The following NAPRT variants were observed in gnomAD, a reference collection of about 807,000 sequenced individuals.
NAPRT encodes the protein FHA-HIT-interacting protein.
In NAPRT, 66 loss-of-function variants were observed where a neutral mutation model predicts 60.7. The ratio of observed to expected loss-of-function variants is 1.09; its 90% CI spans 0.89 to 1.33. NAPRT has a LOEUF of 1.33. Ranked by LOEUF, NAPRT falls within the 40% of genes most tolerant of loss-of-function variation. The pLI is 0.00. For missense variants in NAPRT, 818 were observed against 731.5 expected (o/e 1.12, Z -1.36); for synonymous variants, 405 against 335.7 (o/e 1.21, Z -2.26).
intron 1 of NAPRT, 64 bp downstream of exon 1, chr8:143,578,029 C>A: frequency 6.6e-7 from 1 of 1,525,838 alleles, no homozygotes; most frequent in South Asian, 1.2e-5. Context: ...ACAAGGACTT[C>A]CACCGGCCAT....
At chr8:143,573,227 C>T (rs1360013116), downstream of NAPRT, among the ~76,000 whole-genome samples, 1 of 152,204 alleles carries the variant, frequency 6.6e-6, no homozygotes, top group Non-Finnish European at 1.5e-5. Context: ...TGCACGCTGG[C>T]TCTGTCAGAC....
chr8:143,577,515 T>C (rs1824561611), intron 3 of NAPRT, 116 bp from the exon 4 acceptor site: 1 of 1,451,176 alleles, frequency 6.9e-7, no homozygotes, highest in African/African-American at 1.4e-5. Context: ...ACCCAGCCCC[T>C]CCTTACACCC....
chr8:143,577,288 G>A lies in NAPRT; in HGVS notation c.549C>T (p.Ser183=), dbSNP rs2130697253. 6.2e-7 allele frequency: 1 copy of A among 1,609,184 alleles called. No homozygotes were observed. Residue 183 remains serine, a synonymous_variant, in exon 4 of 13, where the codon TCC becomes TCT. Coordinates refer to ENST00000449291, the MANE Select transcript of NAPRT (RefSeq NM_145201.6). ...ACTCACCGCCCAGGTAGCTGTAGGT[G>A]GAGGCTGTCAGGCCCCCATCGGGGC... The part of the protein sequence containing the change: ...AQGPDGGLTA[S]TYSYLGGFDS...
intron 5 of NAPRT, 49 bp downstream of exon 5, chr8:143,577,013 G>C: frequency 6.3e-7 from 1 of 1,583,224 alleles, no homozygotes; most frequent in Non-Finnish European, 8.7e-7. Flanking sequence ...GCAAGGGCTG[G>C]CTTGGGGCCT....
chr8:143,578,046 G>T, intron 1 of NAPRT, 47 bp downstream of exon 1: 1 of 1,502,312 alleles, frequency 6.7e-7, no homozygotes, highest in Non-Finnish European at 8.9e-7. Context: ...CCATAGGTGG[G>T]GGTTTCTGCC....
At position 143,577,954 on chromosome 8, in the gene NAPRT, G is replaced by A; in HGVS notation, c.227-11C>T. 1.2e-6 allele frequency: 2 copies of A among 1,606,500 alleles called. No individual in the cohort carries two copies. The highest frequency in any genetic ancestry group is 1.7e-6 in the Non-Finnish European group (2 of 1,175,914). Reference sequence around the variant, plus strand: ...CCAGGAACTGCACGTCTGGAAACGAGGTAACTGCGCTGAGACCAGCGCGGG... The same window carrying A: ...CCAGGAACTGCACGTCTGGAAACGAAGTAACTGCGCTGAGACCAGCGCGGG... On this transcript the variant is annotated splice_polypyrimidine_tract_variant and intron_variant, in intron 1 of 12. Coordinates refer to ENST00000449291, the MANE Select transcript of NAPRT (RefSeq NM_145201.6).
rs747098598 is a variant in NAPRT, at chr8:143,577,436, G to C, written c.438-37C>G. ...CAAGAGTCAGGGGGTCCCAGGGTGA[G>C]GATCACTAGGCCACCCAAGACGGCG... On this transcript the variant is annotated intron_variant, in intron 3 of 12. Coordinates refer to ENST00000449291, the MANE Select transcript of NAPRT (RefSeq NM_145201.6). 8.2e-6 allele frequency: 13 copies of C among 1,585,706 alleles called. No homozygotes were observed. In the Middle Eastern group the frequency reaches 6.4e-4, roughly 78 times the overall value.
Position 143,577,166 on chromosome 8 carries a change from T to C in NAPRT, c.580A>G (p.Ser194Gly). 6.2e-7 allele frequency: 1 copy of C among 1,612,188 alleles called. No homozygotes were observed. The highest frequency in any genetic ancestry group is 2.2e-5 in the East Asian group (1 of 44,854). The change falls in exon 5 of 13, where the codon AGC becomes GGC. Residue 194 changes from serine (S) to glycine (G), a missense_variant. Physicochemically the swap from Ser to Gly is moderately conservative, Grantham distance 56. Transcript: ENST00000449291. ...AGCTGGCCCGCTAGCACGTTGCTGCTGCTGTCGAAGCCTGGGGAGGAAGGC... is the reference window on the plus strand; with the variant it reads ...AGCTGGCCCGCTAGCACGTTGCTGCCGCTGTCGAAGCCTGGGGAGGAAGGC... ...TYSYLGGFDS[S>G]SNVLAGQLRG...
chr8:143,575,597 C>T (rs764774540), intron 9 of NAPRT, 25 bp downstream of exon 9: 3 of 1,585,714 alleles, frequency 1.9e-6, no homozygotes, highest in Non-Finnish European at 2.6e-6. Flanking sequence ...CCTGCCCCCA[C>T]CTGGGCCCCC....
rs1386823140 is a variant in NAPRT, at chr8:143,578,086, G to A, written c.226+7C>T. 2 of 1,518,766 alleles carry A rather than the reference G, an allele frequency of 1.3e-6. No individual in the cohort carries two copies. The highest frequency in any genetic ancestry group is 1.8e-6 in the Non-Finnish European group (2 of 1,140,786). 94.1% of individuals were successfully genotyped at this position (1,518,766 alleles called of 1,614,324 possible). A position where few individuals can be genotyped will look rare whatever the true frequency, so the allele number is the denominator to read the frequency against. ...GTGGGGGGCTCGTCGCGCGGACGGG[G>A]GACTACCGGCGTCCCGCAGGCGGAA... is the stretch of plus-strand genomic sequence containing the variant. On this transcript the variant is annotated splice_region_variant and intron_variant, in intron 1 of 12. Transcript: ENST00000449291.
Position 143,578,267 on chromosome 8 carries a change from T to C in NAPRT, c.52A>G (p.Thr18Ala), listed in dbSNP as rs1229112988. The change falls in exon 1 of 13, where the codon ACT becomes GCT. Residue 18 changes from threonine to alanine, a missense_variant. Transcript: ENST00000449291. Reference sequence around the variant, plus strand: ...GCCATGGTGGCCTGGTAGAGGTCAGTGAGCAGCGGCCGCGCCGCCGCGCGC... The same window carrying C: ...GCCATGGTGGCCTGGTAGAGGTCAGCGAGCAGCGGCCGCGCCGCCGCGCGC... ...EARAAARPLL[T>A]DLYQATMALG... The C allele has an allele frequency of 7.0e-7, 1 of 1,430,984 alleles. No homozygotes were observed. The allele number at this position is 1,430,984 out of a possible 1,614,324, so 88.6% of individuals were successfully genotyped here.
In NAPRT at chr8:143,578,168, C is replaced by A; in HGVS notation, c.151G>T (p.Gly51Cys). 1 of 1,517,360 alleles carries A rather than the reference C, an allele frequency of 6.6e-7. No individual in the cohort carries two copies. The highest frequency in any genetic ancestry group is 2.6e-5 in the East Asian group (1 of 38,488). 94.0% of individuals were successfully genotyped at this position (1,517,360 alleles called of 1,614,324 possible). The change falls in exon 1 of 13, where the codon GGC (glycine) becomes TGC (cysteine). Residue 51 changes from glycine to cysteine, a missense_variant. Transcript: ENST00000449291. ...FELFFRRCPF[G>C]GAFALAAGLR... Reference sequence around the variant, plus strand: ...CCGGCGGCCAAGGCGAAGGCGCCGCCGAACGGGCAGCGGCGGAAGAAGAGC... The same window carrying A: ...CCGGCGGCCAAGGCGAAGGCGCCGCAGAACGGGCAGCGGCGGAAGAAGAGC...
chr8:143,576,815 G>A lies in NAPRT; in HGVS notation c.712C>T (p.Pro238Ser). 4 of 1,601,734 alleles carry A rather than the reference G, an allele frequency of 2.5e-6. No individual in the cohort carries two copies. The highest frequency in any genetic ancestry group is 3.4e-6 in the Non-Finnish European group (4 of 1,173,854). Residue 238 changes from proline to serine, a missense_variant, in exon 6 of 13, where the codon CCT becomes TCT. By Grantham distance (74) the Pro-to-Ser change is moderately conservative. Transcript: ENST00000449291. ...GCTTTGGCCGCCAGGTCCACCCCAG[G>A]GCCCTCACCAGCTGCTGGCGCCAAC... ...PMLAPAAGEG[P>S]GVDLAAKAQV...
chr8:143,575,375 G>T lies in NAPRT; in HGVS notation c.1292-30C>A, dbSNP rs147018637. 2,102 of 1,599,002 alleles carry T rather than the reference G, an allele frequency of 1.3e-3. 15 individuals are homozygous for T. In the African/African-American group the frequency reaches 0.02, roughly 15 times the overall value. On this transcript the variant is annotated intron_variant, in intron 10 of 12. Transcript: ENST00000449291. Reference sequence around the variant, plus strand: ...GTGGACGGGGCAAGAATAAGCGGGGGCCCTGGTGCTTTGAAGGTGGACAGC... The same window carrying T: ...GTGGACGGGGCAAGAATAAGCGGGGTCCCTGGTGCTTTGAAGGTGGACAGC...
At position 143,574,891 on chromosome 8, in the gene NAPRT, A is replaced by T; in HGVS notation, c.1564T>A (p.Ser522Thr). The change falls in exon 13 of 13, where the codon TCC (serine) becomes ACC (threonine). Residue 522 changes from serine to threonine, a missense_variant. Transcript: ENST00000449291. ...TTCACCAGGGCCTGCAGCCTCTCGG[A>T]CAGCACCACCTGCAGGGAGCAGAGG... ...RSPAQYQVVL[S>T]ERLQALVNSL... 6.4e-7 allele frequency: 1 copy of T among 1,550,624 alleles called. No homozygotes were observed. Among genetic ancestry groups the T allele is most frequent in the Non-Finnish European group, 8.7e-7 (1 of 1,147,004 alleles).
In NAPRT at chr8:143,578,162, C is replaced by T; in HGVS notation, c.157G>A (p.Ala53Thr). 2 of 1,517,114 alleles carry T rather than the reference C, an allele frequency of 1.3e-6. No homozygotes were observed. 94.0% of individuals were successfully genotyped at this position (1,517,114 alleles called of 1,614,324 possible). The change falls in exon 1 of 13, where the codon GCC becomes ACC. Residue 53 changes from alanine (A) to threonine (T), a missense_variant. Physicochemically the swap from Ala to Thr is moderately conservative, Grantham distance 58 (BLOSUM62 0). Transcript: ENST00000449291. ...CGCAAGCCGGCGGCCAAGGCGAAGGCGCCGCCGAACGGGCAGCGGCGGAAG... is the reference window on the plus strand; with the variant it reads ...CGCAAGCCGGCGGCCAAGGCGAAGGTGCCGCCGAACGGGCAGCGGCGGAAG... ...LFFRRCPFGG[A>T]FALAAGLRDC...
intron 3 of NAPRT, 45 bp downstream of exon 3, chr8:143,577,612 G>A (rs1044071113): frequency 3.3e-6 from 5 of 1,530,534 alleles, no homozygotes; most frequent in Non-Finnish European, 3.5e-6. Context: ...CGGCGCTGGG[G>A]GCCCATCCCA....
At chr8:143,576,981 G>A in intron 5 of NAPRT, 81 bp downstream of exon 5, 1 of 1,529,238 alleles carries the variant, frequency 6.5e-7, no homozygotes, top group Non-Finnish European at 9.0e-7. Context: ...TGACCTGCCT[G>A]GGTGGCACAC....
In NAPRT at chr8:143,576,092, G is replaced by A. The variant is rs767084295; in HGVS notation, c.1093C>T (p.Arg365Ter). The change falls in exon 8 of 13, where the codon CGA becomes TGA. Residue 365 changes from arginine (R) to a stop codon, truncating the protein, a stop_gained. Transcript: ENST00000449291. LOFTEE classifies it high-confidence loss of function. ...ATCCACCCCACCTCCTGGGCCAGTC[G>A]GGCCAGCGCCTCCTCGTCAATGTTG... Reference protein sequence around the residue: ...SNNIDEEALARLAQEGSEVNV... With the variant: ...SNNIDEEALA 3.1e-5 allele frequency: 50 copies of A among 1,598,048 alleles called. No individual in the cohort carries two copies. The highest frequency in any genetic ancestry group is 3.9e-5 in the Non-Finnish European group (46 of 1,169,796).
Sources: allele counts gnomAD v4.1 joint callset (sites outside exome capture counted in the v4.1 genomes callset), GRCh38; gene constraint gnomAD v4.1.1; transcripts MANE v1.5; gene names NCBI Gene and HGNC (gene_info 2026-07-23, HGNC 2026-07-21).